RIMS1: variants seen among roughly 807,000 people sequenced by gnomAD.
RIMS1 encodes the protein regulating synaptic membrane exocytosis 1, also known as regulating synaptic membrane exocytosis protein 1.
A neutral mutation model predicts 214.1 loss-of-function variants in RIMS1; 83 were observed. The observed-to-expected ratio is 0.39, with a 90% confidence interval of 0.32 to 0.47. The LOEUF (loss-of-function observed/expected upper bound fraction) is 0.47, where lower values mean the gene tolerates loss of function less well. RIMS1 is among the 20% of genes least tolerant of loss of function. The pLI is 0.99. For missense variants in RIMS1, 2,050 were observed against 2,161.8 expected, an observed-to-expected ratio of 0.95 and a Z score of 1.03; for synonymous variants, 793 against 786.8, an observed-to-expected ratio of 1.01 and a Z score of -0.13.
intron 26 of RIMS1, among the ~76,000 whole-genome samples, chr6:72,299,041 A>C (rs542443733): frequency 6.6e-6 from 1 of 152,018 alleles, no homozygotes; most frequent in East Asian, 1.9e-4. Flanking sequence ...TAAATTATTC[A>C]TTCTAAAAGT....
chr6:72,229,114 T>C (rs1011824255), intron 6 of RIMS1, among the ~76,000 whole-genome samples: 2 of 151,884 alleles, frequency 1.3e-5, no homozygotes, highest in African/African-American at 4.8e-5. Flanking sequence ...AAAGAAGTTC[T>C]TGCTGAAGCC....
chr6:72,014,896 T>C (rs1477700319), intron 2 of RIMS1, among the ~76,000 whole-genome samples: 1 of 152,208 alleles, frequency 6.6e-6, no homozygotes, highest in Non-Finnish European at 1.5e-5. Flanking sequence ...TCTAATCAAA[T>C]TCCCTGCCTA....
chr6:72,044,717 CA>C (rs1021437263), intron 2 of RIMS1, among the ~76,000 whole-genome samples: 1 of 151,776 alleles, frequency 6.6e-6, no homozygotes, highest in Non-Finnish European at 1.5e-5. Flanking sequence ...CAAGTGTGGA[CA>C]AAATCTTGGT....
rs963190989 is a variant in RIMS1 at position 72,254,091 on chromosome 6, C to A, written c.2770+1259C>A. 2.0e-5 allele frequency among the ~76,000 whole-genome samples: 3 copies of A among 152,236 alleles called. No individual in the cohort carries two copies. The East Asian group carries it at 5.8e-4, about 29-fold the overall frequency. On this transcript the variant is annotated intron_variant, in intron 16 of 33. Transcript: ENST00000521978. ...GTGTTGGCCAGGATGGTCTTGTTCT[C>A]TTGACCTCATGATCCGCCCACCTCG... is the stretch of plus-strand genomic sequence containing the variant.
At chr6:72,068,991 G>A (rs1388707812) in intron 2 of RIMS1, among the ~76,000 whole-genome samples, 3 of 143,528 alleles carry the variant, frequency 2.1e-5, no homozygotes, top group African/African-American at 7.3e-5. Context: ...AGAGGAAGAG[G>A]AAACCTCCAG....
chr6:72,161,291 G>A (rs977859401), intron 4 of RIMS1, among the ~76,000 whole-genome samples: 1 of 139,354 alleles, frequency 7.2e-6, no homozygotes, highest in African/African-American at 2.5e-5. Flanking sequence ...TTCTTTAGTA[G>A]TCTTGCTAGC....
intron 9 of RIMS1, 86 bp downstream of exon 9, chr6:72,238,008 T>G: frequency 1.3e-6 from 1 of 789,844 alleles, no homozygotes; most frequent in South Asian, 1.7e-5. Flanking sequence ...GTTAGTTTTA[T>G]ATATACATAC....
Position 72,333,705 on chromosome 6 carries a change from C to T in RIMS1, c.4236C>T (p.Asp1412=), listed in dbSNP as rs1025135186. 22 of 1,594,934 alleles carry T rather than the reference C, an allele frequency of 1.4e-5. No individual in the cohort carries two copies. Among genetic ancestry groups the T allele is most frequent in the South Asian group, 3.4e-5 (3 of 87,830 alleles). ...SGEMYTLEHN[D]GSQSDTAVGT... Reference sequence around the variant, plus strand: ...AGATGTACACACTGGAGCATAATGACGGCAGCCAGTCAGACACAGCTGTGG... The same window carrying T: ...AGATGTACACACTGGAGCATAATGATGGCAGCCAGTCAGACACAGCTGTGG... The change falls in exon 29 of 34, where the codon GAC becomes GAT. Residue 1412 remains aspartate, a synonymous_variant. Coordinates refer to ENST00000521978, the MANE Select transcript of RIMS1 (RefSeq NM_014989.7).
chr6:71,933,126 G>A (rs1783535881), intron 1 of RIMS1, among the ~76,000 whole-genome samples: 1 of 152,168 alleles, frequency 6.6e-6, no homozygotes. Context: ...GGGGAGTAAG[G>A]TGGAAGATAA....
chr6:71,926,710 CACTTCTAAGTGTTTA>C (rs1206805904), intron 1 of RIMS1, among the ~76,000 whole-genome samples: 2 of 152,094 alleles, frequency 1.3e-5, no homozygotes, highest in East Asian at 3.8e-4. Context: ...GCAGCCCAAA[CACTTCTAAGTGTTTA>C]ACTTCTAAGT....
intron 2 of RIMS1, among the ~76,000 whole-genome samples, chr6:72,074,810 T>G (rs1221707238): frequency 1.3e-5 from 2 of 152,220 alleles, no homozygotes; most frequent in African/African-American, 4.8e-5. Flanking sequence ...GTAAGTACTT[T>G]CCAAGGGTGT....
intron 28 of RIMS1, among the ~76,000 whole-genome samples, chr6:72,330,929 C>A (rs1370817320): frequency 6.6e-6 from 1 of 151,412 alleles, no homozygotes; most frequent in South Asian, 2.1e-4. Context: ...TGCTTTTAAG[C>A]ATCTGGACAT....
At position 72,182,375 on chromosome 6, in the gene RIMS1, G is replaced by GA; in HGVS notation, c.905dup (p.Ala304GlyfsTer17). On this transcript the variant is annotated frameshift_variant, in exon 6 of 34. Coordinates refer to ENST00000521978, the MANE Select transcript of RIMS1 (RefSeq NM_014989.7). LOFTEE classifies it high-confidence loss of function. ...GCCAAAGACCTCAGCGCAGCCCGTG[G>GA]AGGGGGCCGTCGAAGAACGGGAGCG... 6.2e-7 allele frequency: 1 copy of GA among 1,613,922 alleles called. No homozygotes were observed. The highest frequency in any genetic ancestry group is 8.5e-7 in the Non-Finnish European group (1 of 1,179,878).
intron 6 of RIMS1, among the ~76,000 whole-genome samples, chr6:72,209,996 T>G (rs2053562276): frequency 6.6e-6 from 1 of 151,812 alleles, no homozygotes; most frequent in Admixed American, 6.6e-5. Flanking sequence ...GGAACTTTGG[T>G]ACAGAAGCTG....
intron 2 of RIMS1, among the ~76,000 whole-genome samples, chr6:72,019,153 TC>T (rs1398932906): frequency 6.6e-6 from 1 of 151,544 alleles, no homozygotes; most frequent in Non-Finnish European, 1.5e-5. Context: ...GTATGATAAC[TC>T]CAAACCCATA....
chr6:72,316,853 G>T, intron 28 of RIMS1: 1 of 1,011,992 alleles, frequency 9.9e-7, no homozygotes, highest in Non-Finnish European at 1.5e-6. Context: ...AGATAGGCAA[G>T]TAGGAGGTGG....
intron 1 of RIMS1, among the ~76,000 whole-genome samples, chr6:71,901,394 T>C (rs898706660): frequency 6.6e-6 from 1 of 152,090 alleles, no homozygotes; most frequent in African/African-American, 2.4e-5. Context: ...TTAAAAGCTG[T>C]GAAATACTCA....
In RIMS1 at chr6:72,179,675, G is replaced by C; in HGVS notation, c.572G>C (p.Gly191Ala). 1 of 1,613,764 alleles carries C rather than the reference G, an allele frequency of 6.2e-7. No individual in the cohort carries two copies. The highest frequency in any genetic ancestry group is 8.5e-7 in the Non-Finnish European group (1 of 1,179,716). The change falls in exon 5 of 34, where the codon GGA (glycine) becomes GCA (alanine). Residue 191 changes from glycine (G) to alanine (A), a missense_variant. Transcript: ENST00000521978. ...GSGPQQTSQD[G>A]TLSDTATGAG... ...GGCCCTCAGCAGACAAGTCAGGATG[G>C]AACCCTGAGTGATACAGCTACAGGT...
chr6:72,284,911 C>G (rs1444143699), intron 24 of RIMS1, among the ~76,000 whole-genome samples: 1 of 152,116 alleles, frequency 6.6e-6, no homozygotes, highest in Non-Finnish European at 1.5e-5. Context: ...GCTTCATAAA[C>G]AGATGTCCCT....
Sources: allele counts gnomAD v4.1 joint callset (sites outside exome capture counted in the v4.1 genomes callset), GRCh38; gene constraint gnomAD v4.1.1; transcripts MANE v1.5; gene names NCBI Gene and HGNC (gene_info 2026-07-23, HGNC 2026-07-21).